Variants in TDRD1 observed in about 807,000 individuals in gnomAD.
TDRD1 encodes tudor domain-containing protein 1.
TDRD1 carries 37 observed loss-of-function variants against 140.6 expected under a neutral mutation model. That is an observed-to-expected ratio of 0.26 (90% CI 0.20 to 0.35). The LOEUF is 0.35. Among genes scored for constraint, TDRD1 ranks in the 10% least tolerant of loss-of-function variants. TDRD1 has a pLI of 1.00. For missense variants in TDRD1, 1,243 were observed against 1,393.0 expected (o/e 0.89, Z 1.71); for synonymous variants, 506 against 475.7 (o/e 1.06, Z -0.83).
intron 21 of TDRD1, among the ~76,000 whole-genome samples, chr10:114,223,469 A>G (rs973858925): frequency 6.6e-6 from 1 of 152,186 alleles, no homozygotes; most frequent in African/African-American, 2.4e-5. Context: ...TGGATCCCAA[A>G]CCTCTCACAA....
upstream of TDRD1, among the ~76,000 whole-genome samples, chr10:114,175,376 TAAGAG>T (rs899255100): frequency 3.3e-4 from 50 of 152,206 alleles, no homozygotes; most frequent in African/African-American, 1.2e-3. Flanking sequence ...TTTTTCACCA[TAAGAG>T]AAAAGAAATA....
chr10:114,222,625 T>C (rs758309701), exon 21 of TDRD1: 16 of 1,612,996 alleles, frequency 9.9e-6, no homozygotes, highest in African/African-American at 9.3e-5. Context: ...AGCTGAATTA[T>C]TAGAATACTG....
At chr10:114,231,050 G>T (rs1227371625) in intron 25 of TDRD1, among the ~76,000 whole-genome samples, 1 of 152,196 alleles carries the variant, frequency 6.6e-6, no homozygotes, top group Non-Finnish European at 1.5e-5. Context: ...TTGGGCAACA[G>T]AGTGAGACCC....
chr10:114,206,789 A>AT (rs1260897567), intron 11 of TDRD1, among the ~76,000 whole-genome samples: 1 of 151,614 alleles, frequency 6.6e-6, no homozygotes, highest in African/African-American at 2.4e-5. Context: ...AATTTTTTGT[A>AT]TTTTTAGTAG....
Position 114,203,493 on chromosome 10 carries a change from T to A in TDRD1, c.907T>A (p.Tyr303Asn), listed in dbSNP as rs199943215. Residue 303 changes from tyrosine (Y) to asparagine (N), a missense_variant, in exon 8 of 26, where the codon TAT becomes AAT. Tyr to Asn is a moderately radical substitution (Grantham distance 143, BLOSUM62 -2). Transcript: ENST00000251864. ...ACTCTCTGCCAGCTTAAAAGAAACA[T>A]ATGCAAATGTGCATGAAAAAGACTA... The A allele has an allele frequency of 5.7e-5, 92 of 1,613,826 alleles. No homozygotes were observed. The highest frequency in any genetic ancestry group is 7.0e-5 in the Non-Finnish European group (83 of 1,179,918).
chr10:114,203,974 G>C, intron 8 of TDRD1, 99 bp from the exon 9 acceptor site: 1 of 1,419,338 alleles, frequency 7.0e-7, no homozygotes, highest in Non-Finnish European at 9.6e-7. Context: ...CAGAACAGGA[G>C]CCTTTCCTTT....
At chr10:114,211,021 T>C in intron 13 of TDRD1, 54 bp downstream of exon 13, 1 of 1,368,390 alleles carries the variant, frequency 7.3e-7, no homozygotes. Context: ...ATTTTTTACT[T>C]AGAATTGAGT....
exon 12 of TDRD1, chr10:114,210,728 G>A: frequency 6.2e-7 from 1 of 1,610,700 alleles, no homozygotes; most frequent in Non-Finnish European, 8.5e-7. Context: ...GACTTCTTTT[G>A]TCAACAACTG....
At chr10:114,227,328 G>T in intron 23 of TDRD1, 29 bp downstream of exon 23, 1 of 1,437,646 alleles carries the variant, frequency 7.0e-7, no homozygotes, top group Non-Finnish European at 9.8e-7. Flanking sequence ...ATTAATAACA[G>T]ATGTTAAGTG....
intron 2 of TDRD1, 118 bp downstream of exon 2, chr10:114,188,274 C>T: frequency 1.2e-6 from 1 of 830,258 alleles, no homozygotes; most frequent in African/African-American, 1.7e-5. Flanking sequence ...GACTACCTTA[C>T]CGTATTTGCA....
chr10:114,180,393 C>A (rs78449035), intron 1 of TDRD1, among the ~76,000 whole-genome samples: 1 of 152,146 alleles, frequency 6.6e-6, no homozygotes, highest in Non-Finnish European at 1.5e-5. Flanking sequence ...ATGAGGAAGA[C>A]GAGACTTACC....
chr10:114,211,384 T>G (rs2035473154), intron 13 of TDRD1, among the ~76,000 whole-genome samples: 1 of 152,208 alleles, frequency 6.6e-6, no homozygotes, highest in Admixed American at 6.5e-5. Flanking sequence ...ACGGCACAAG[T>G]CCTGCCTTGC....
In TDRD1 at chr10:114,203,502, G is replaced by A. The variant is rs1370979441; in HGVS notation, c.916G>A (p.Val306Met). 5 of 1,613,724 alleles carry A rather than the reference G, an allele frequency of 3.1e-6. No homozygotes were observed. The African/African-American group carries it at 6.7e-5, about 22-fold the overall frequency. Reference sequence around the variant, plus strand: ...CAGCTTAAAAGAAACATATGCAAATGTGCATGAAAAAGACTATATTCCTGT... The same window carrying A: ...CAGCTTAAAAGAAACATATGCAAATATGCATGAAAAAGACTATATTCCTGT... The change falls in exon 8 of 26, where the codon GTG (valine) becomes ATG (methionine). Residue 306 changes from valine to methionine, a missense_variant. Physicochemically the swap from Val to Met is conservative, Grantham distance 21. This residue lies in a region of TDRD1 where 392 missense variants were observed against 394.1 expected (regional missense o/e 0.99). Coordinates refer to ENST00000251864, the Ensembl canonical transcript of TDRD1.
At chr10:114,189,916 G>A (rs996473878) in intron 2 of TDRD1, among the ~76,000 whole-genome samples, 14 of 152,320 alleles carry the variant, frequency 9.2e-5, no homozygotes, top group East Asian at 3.9e-4. Context: ...GAATTCTAAC[G>A]TAACAATATG....
Position 114,214,202 on chromosome 10 carries a change from G to A in TDRD1, c.2212+88G>A, listed in dbSNP as rs996975543. 10 of 1,195,190 alleles carry A rather than the reference G, an allele frequency of 8.4e-6. No homozygotes were observed. In the African/African-American group the frequency reaches 1.4e-4, roughly 16 times the overall value. 74.0% of individuals were successfully genotyped at this position (1,195,190 alleles called of 1,614,324 possible). ...ATGAGTTTGTTACTAAGTGATAAAA[G>A]TACCTCTTTCCAAGAAGAGCCAAGT... On this transcript the variant is annotated intron_variant, in intron 16 of 25. Coordinates refer to ENST00000251864, the Ensembl canonical transcript of TDRD1.
chr10:114,204,158 T>C (rs1202100450), exon 9 of TDRD1: 1 of 1,601,896 alleles, frequency 6.2e-7, no homozygotes, highest in East Asian at 2.3e-5. Context: ...AATGAAGAAA[T>C]AATTCCATTA....
chr10:114,197,681 T>C (rs1269237393), intron 3 of TDRD1, among the ~76,000 whole-genome samples: 1 of 149,380 alleles, frequency 6.7e-6, no homozygotes, highest in Non-Finnish European at 1.5e-5. Flanking sequence ...TTTTTTTGAT[T>C]GAGTCTCGTT....
intron 14 of TDRD1, 74 bp from the exon 15 acceptor site, chr10:114,213,271 CT>C: frequency 7.0e-7 from 1 of 1,424,722 alleles, no homozygotes; most frequent in Non-Finnish European, 9.5e-7. Context: ...TTAAGTTTAC[CT>C]TGGGGGAAAT....
chr10:114,216,647 A>AT (rs1309085708), intron 16 of TDRD1, among the ~76,000 whole-genome samples: 1 of 151,058 alleles, frequency 6.6e-6, no homozygotes, highest in Non-Finnish European at 1.5e-5. Flanking sequence ...GATCTCTGGG[A>AT]CAAGTTGCTA....
Sources: allele counts gnomAD v4.1 joint callset (sites outside exome capture counted in the v4.1 genomes callset), GRCh38; gene constraint gnomAD v4.1.1; regional missense constraint gnomAD v4.1.1; transcripts MANE v1.5; gene names NCBI Gene and HGNC (gene_info 2026-07-23, HGNC 2026-07-21).